CEP128: variants seen among roughly 807,000 people sequenced by gnomAD.
CEP128 encodes centrosomal protein 128kDa.
A neutral mutation model predicts 156.7 loss-of-function variants in CEP128; 132 were observed. The ratio of observed to expected loss-of-function variants is 0.84; its 90% CI spans 0.73 to 0.97. The LOEUF is 0.97. Ranked by LOEUF, CEP128 falls within the 50% of genes least tolerant of loss-of-function variation. The probability of loss-of-function intolerance (pLI) is 0.00; values close to 1 mark genes in which losing one functional copy is unlikely to be tolerated. For synonymous variants in CEP128, 469 were observed against 448.9 expected (o/e 1.04, Z -0.57); for missense variants, 1,252 against 1,281.9 (o/e 0.98, Z 0.36).
intron 19 of CEP128, among the ~76,000 whole-genome samples, chr14:80,710,413 C>T (rs1008065755): frequency 5.3e-5 from 8 of 152,066 alleles, no homozygotes; most frequent in African/African-American, 1.7e-4. Flanking sequence ...TTGGTGTCAA[C>T]TGAATTCATA....
chr14:80,803,892 T>C (rs1257490247), intron 13 of CEP128, among the ~76,000 whole-genome samples: 2 of 152,160 alleles, frequency 1.3e-5, no homozygotes, highest in Non-Finnish European at 2.9e-5. Flanking sequence ...TTCTAAATTT[T>C]AGGACAAAAA....
intron 21 of CEP128, 113 bp downstream of exon 21, chr14:80,559,166 A>C: frequency 1.1e-6 from 1 of 920,962 alleles, no homozygotes; most frequent in Non-Finnish European, 1.7e-6. Context: ...TTGACATCTT[A>C]GATGTAGTTT....
chr14:80,666,884 C>T (rs990862239), intron 19 of CEP128, among the ~76,000 whole-genome samples: 1 of 152,112 alleles, frequency 6.6e-6, no homozygotes, highest in African/African-American at 2.4e-5. Flanking sequence ...AAAGTAAGCA[C>T]TAATAAACTT....
chr14:80,719,324 A>G (rs1897727299), intron 19 of CEP128, among the ~76,000 whole-genome samples: 1 of 152,208 alleles, frequency 6.6e-6, no homozygotes, highest in African/African-American at 2.4e-5. Flanking sequence ...CCTATAACTT[A>G]GCCCTGTACC....
intron 13 of CEP128, among the ~76,000 whole-genome samples, chr14:80,800,362 T>C (rs947253534): frequency 6.6e-6 from 1 of 152,246 alleles, no homozygotes; most frequent in African/African-American, 2.4e-5. Context: ...AAAGAGAACT[T>C]TTTATATCTT....
intron 8 of CEP128, among the ~76,000 whole-genome samples, chr14:80,889,899 G>C (rs1190867604): frequency 6.6e-6 from 1 of 152,036 alleles, no homozygotes; most frequent in Non-Finnish European, 1.5e-5. Context: ...CTAATGTCCA[G>C]AATCTACAAG....
chr14:80,717,645 C>T (rs1897657312), intron 19 of CEP128, among the ~76,000 whole-genome samples: 1 of 152,060 alleles, frequency 6.6e-6, no homozygotes, highest in African/African-American at 2.4e-5. Context: ...TTAGAGTACA[C>T]ACTTAATATC....
intron 20 of CEP128, among the ~76,000 whole-genome samples, chr14:80,561,896 C>CTATATATATATATA (rs145642470): frequency 0.025 from 3,493 of 142,130 alleles, 62 homozygotes; most frequent in Middle Eastern, 0.033. Flanking sequence ...ATACGAAGGT[C>CTATATATATATATA]TATATATATA....
chr14:80,893,560 A>G (rs745991205), intron 8 of CEP128, among the ~76,000 whole-genome samples: 6 of 151,988 alleles, frequency 3.9e-5, no homozygotes, highest in Non-Finnish European at 8.8e-5. Flanking sequence ...ATTTACTTCA[A>G]TGTAATAATC....
chr14:80,955,959 T>G lies in CEP128; in HGVS notation c.-172+2219A>C, dbSNP rs1296144086. ...ATAACAGCCCGAAGTAGTGTGTGAG[T>G]GTGTGTATGTGTGAGTGAATGTCTG... is the stretch of plus-strand genomic sequence containing the variant. On this transcript the variant is annotated intron_variant, in intron 2 of 7. Transcript: ENST00000555529. The G allele has an allele frequency of 7.8e-5, 102 of 1,299,978 alleles. No homozygotes were observed. In the South Asian group the frequency reaches 9.8e-4, roughly 12 times the overall value. The allele number at this position is 1,299,978 out of a possible 1,614,324, so 80.5% of individuals were successfully genotyped here. A position where few individuals can be genotyped will look rare whatever the true frequency, so the allele number is the denominator to read the frequency against.
chr14:80,844,610 G>A (rs181219304), intron 9 of CEP128, among the ~76,000 whole-genome samples: 36 of 152,156 alleles, frequency 2.4e-4, no homozygotes, highest in Admixed American at 7.2e-4. Flanking sequence ...CCAATATCAC[G>A]TAGTTAAGTA....
intron 16 of CEP128, among the ~76,000 whole-genome samples, chr14:80,764,434 G>C (rs1325311381): frequency 2.0e-5 from 3 of 151,706 alleles, no homozygotes; most frequent in Admixed American, 6.6e-5. Context: ...GGGAAGCAGA[G>C]CTTGCAGTGA....
intron 23 of CEP128, among the ~76,000 whole-genome samples, chr14:80,516,221 G>A (rs1043146947): frequency 2.6e-5 from 4 of 152,118 alleles, no homozygotes; most frequent in Non-Finnish European, 5.9e-5. Flanking sequence ...TCAACAAAGA[G>A]GGTTCTCTTC....
intron 19 of CEP128, among the ~76,000 whole-genome samples, chr14:80,694,339 T>A (rs987149119): frequency 2.0e-5 from 3 of 152,192 alleles, no homozygotes; most frequent in African/African-American, 7.2e-5. Flanking sequence ...GAGGACAGTG[T>A]GGCAACTCCT....
At chr14:80,562,365 A>G (rs1451947287) in intron 20 of CEP128, among the ~76,000 whole-genome samples, 1 of 152,112 alleles carries the variant, frequency 6.6e-6, no homozygotes, top group Non-Finnish European at 1.5e-5. Flanking sequence ...TCAATATGCC[A>G]ATCAACAATA....
In CEP128 at chr14:80,712,285, A is replaced by G. The variant is rs535480725; in HGVS notation, c.2806+30790T>C. Among the ~76,000 whole-genome samples the G allele has an allele frequency of 1.0e-3, 153 of 152,262 alleles. 8 individuals carry two copies. The South Asian group carries it at 0.031, about 31-fold the overall frequency. ...AATTTGTGCACTCTCAAACAACAGT[A>G]TTACATCCAGGCAGGCTGTCCTTAC... On this transcript the variant is annotated intron_variant, in intron 19 of 24. Coordinates refer to ENST00000555265, the MANE Select transcript of CEP128 (RefSeq NM_152446.5).
At chr14:80,673,671 A>AAAAAAG (rs1895944752) in intron 19 of CEP128, among the ~76,000 whole-genome samples, 4 of 145,922 alleles carry the variant, frequency 2.7e-5, no homozygotes, top group Non-Finnish European at 4.5e-5. Context: ...AAAAAAAAAA[A>AAAAAAG]TGTACTAAAG....
chr14:80,680,927 T>C (rs868282866), intron 19 of CEP128, among the ~76,000 whole-genome samples: 3 of 152,142 alleles, frequency 2.0e-5, no homozygotes, highest in Admixed American at 2.0e-4. Context: ...CTCAGACCAC[T>C]GTGCACCCCA....
In CEP128 at chr14:80,706,521, C is replaced by A. The variant is rs146446416; in HGVS notation, c.2806+36554G>T. Reference sequence around the variant, plus strand: ...TGATTTCAGATGAGAAATCTCCTGTCATTCAAATTGCTGTTGCCCTATTAG... The same window carrying A: ...TGATTTCAGATGAGAAATCTCCTGTAATTCAAATTGCTGTTGCCCTATTAG... On this transcript the variant is annotated intron_variant, in intron 19 of 24. Transcript: ENST00000555265. Among the ~76,000 whole-genome samples, 249 of 152,116 alleles carry A rather than the reference C, an allele frequency of 1.6e-3. 2 individuals are homozygous for A. Among genetic ancestry groups the A allele is most frequent in the African/African-American group, 5.5e-3 (228 of 41,514 alleles).
Sources: gnomAD v4.1 joint callset for allele counts (sites outside exome capture counted in the v4.1 genomes callset) on GRCh38, gnomAD v4.1.1 for gene constraint, MANE v1.5 for transcripts, NCBI Gene and HGNC (gene_info 2026-07-23, HGNC 2026-07-21) for gene names.